The following SERINC5 variants were observed in gnomAD, a reference collection of about 807,000 sequenced individuals.
SERINC5 encodes serine incorporator 5.
In SERINC5, 41 loss-of-function variants were observed where a neutral mutation model predicts 63.1. The ratio of observed to expected loss-of-function variants is 0.65; its 90% CI spans 0.51 to 0.84. SERINC5 has a LOEUF of 0.84. Ranked by LOEUF, SERINC5 falls within the 40% of genes least tolerant of loss-of-function variation. The probability of loss-of-function intolerance (pLI) is 0.00; values close to 1 mark genes in which losing one functional copy is unlikely to be tolerated. For missense variants in SERINC5, 523 were observed against 573.0 expected (o/e 0.91, Z 0.89); for synonymous variants, 222 against 215.2 (o/e 1.03, Z -0.28).
rs1233860426 is a variant in SERINC5, at chr5:80,142,302, C to A, written c.*1361G>T. On this transcript the variant is annotated 3_prime_UTR_variant, in exon 12 of 12. Coordinates refer to ENST00000507668, the MANE Select transcript of SERINC5 (RefSeq NM_001174072.3). The stretch of plus-strand genomic sequence containing the variant: ...TGGAAATTCCTGTGCAGCGTGATCT[C>A]GGCTCACTGCAACCTCCGCCTCCCG... The A allele has an allele frequency of 9.1e-6, 9 of 984,338 alleles. No individual in the cohort carries two copies. In the East Asian group the frequency reaches 1.0e-3, roughly 112 times the overall value. 61.0% of individuals were successfully genotyped at this position (984,338 alleles called of 1,614,324 possible). A position where few individuals can be genotyped will look rare whatever the true frequency, so the allele number is the denominator to read the frequency against.
At chr5:80,137,396 T>G (rs1432950426), downstream of SERINC5, among the ~76,000 whole-genome samples, 1 of 151,920 alleles carries the variant, frequency 6.6e-6, no homozygotes, top group South Asian at 2.1e-4. Context: ...ATCCCAGCAC[T>G]TTGGGAGGCC....
chr5:80,175,802 C>A (rs1747989075), intron 4 of SERINC5, among the ~76,000 whole-genome samples: 1 of 141,230 alleles, frequency 7.1e-6, no homozygotes, highest in African/African-American at 2.7e-5. Context: ...AGGTGGAGGT[C>A]ACAGTGAGCT....
chr5:80,138,917 G>C lies in SERINC5; in HGVS notation c.*4746C>G. The C allele has an allele frequency of 2.1e-6, 2 of 970,860 alleles. No individual in the cohort carries two copies. The highest frequency in any genetic ancestry group is 2.4e-6 in the Non-Finnish European group (2 of 816,846). The allele number at this position is 970,860 out of a possible 1,614,324, so 60.1% of individuals were successfully genotyped here. On this transcript the variant is annotated 3_prime_UTR_variant, in exon 12 of 12. Transcript: ENST00000507668. ...AGTTTTAATTTTAAATTTTATTAAA[G>C]TACAGAGTTAACAAGTTTTGAGTTT...
At chr5:80,153,474 G>T (rs191395763) in intron 8 of SERINC5, among the ~76,000 whole-genome samples, 2 of 148,620 alleles carry the variant, frequency 1.3e-5, no homozygotes, top group South Asian at 2.1e-4. Context: ...TCAAGAAAAG[G>T]TTTTTTTTTT....
At chr5:80,244,940 C>T (rs1580217193) in intron 1 of SERINC5, among the ~76,000 whole-genome samples, 1 of 152,326 alleles carries the variant, frequency 6.6e-6, no homozygotes, top group Admixed American at 6.5e-5. Context: ...CCTCCCACCT[C>T]AGCCTCCAGA....
chr5:80,177,115 G>T (rs528071086), intron 4 of SERINC5, among the ~76,000 whole-genome samples, 200 bp downstream of exon 4: 1 of 152,286 alleles, frequency 6.6e-6, no homozygotes, highest in South Asian at 2.1e-4. Context: ...CTACCTGGAA[G>T]TGGGATGCGG....
intron 1 of SERINC5, among the ~76,000 whole-genome samples, chr5:80,230,054 C>A (rs1187515471): frequency 6.6e-6 from 1 of 152,186 alleles, no homozygotes; most frequent in Non-Finnish European, 1.5e-5. Flanking sequence ...TCTCCTCCCA[C>A]TGCTCAGGAA....
At chr5:80,225,796 G>A (rs1177847230) in intron 1 of SERINC5, among the ~76,000 whole-genome samples, 1 of 152,078 alleles carries the variant, frequency 6.6e-6, no homozygotes, top group African/African-American at 2.4e-5. Context: ...AAGCCCCACA[G>A]CCCTAGTTCT....
In SERINC5 at chr5:80,142,090, C is replaced by T. The variant is rs1745542914; in HGVS notation, c.*1573G>A. The T allele has an allele frequency of 1.0e-6, 1 of 985,290 alleles. No homozygotes were observed. The highest frequency in any genetic ancestry group is 1.7e-5 in the African/African-American group (1 of 57,240). The allele number at this position is 985,290 out of a possible 1,614,324, so 61.0% of individuals were successfully genotyped here. On this transcript the variant is annotated 3_prime_UTR_variant, in exon 12 of 12. Transcript: ENST00000507668. Reference sequence around the variant, plus strand: ...CACAGAAAAAAATGACTAGGCTGAGCCTTTTATTCTTAGATCCTCACTTAC... The same window carrying T: ...CACAGAAAAAAATGACTAGGCTGAGTCTTTTATTCTTAGATCCTCACTTAC...
At chr5:80,224,454 G>T (rs1283431366) in intron 1 of SERINC5, among the ~76,000 whole-genome samples, 2 of 152,066 alleles carry the variant, frequency 1.3e-5, no homozygotes, top group African/African-American at 4.8e-5. Flanking sequence ...TCCAGCCTGG[G>T]TGACAGAGCA....
chr5:80,182,556 TCCGC>T (rs1350522935), intron 2 of SERINC5, among the ~76,000 whole-genome samples: 2 of 17,248 alleles, frequency 1.2e-4, no homozygotes, highest in African/African-American at 4.6e-4. Flanking sequence ...CCCCCCCCCC[TCCGC>T]TTTTTTTTAA....
chr5:80,235,028 C>A (rs910779177), intron 1 of SERINC5, among the ~76,000 whole-genome samples: 9 of 152,142 alleles, frequency 5.9e-5, no homozygotes, highest in African/African-American at 2.2e-4. Flanking sequence ...CAACAGATTT[C>A]TATAACTTTT....
At chr5:80,153,474 GT>G (rs112327662) in intron 8 of SERINC5, among the ~76,000 whole-genome samples, 22,042 of 148,576 alleles carry the variant, frequency 0.15, 2,432 homozygotes, top group African/African-American at 0.32. Context: ...TCAAGAAAAG[GT>G]TTTTTTTTTA....
intron 1 of SERINC5, among the ~76,000 whole-genome samples, chr5:80,238,922 A>G (rs1041106581): frequency 6.6e-6 from 1 of 152,202 alleles, no homozygotes; most frequent in African/African-American, 2.4e-5. Context: ...GAAAAGCCCA[A>G]CATCCACTCA....
chr5:80,184,617 A>G (rs1032108779), intron 2 of SERINC5, among the ~76,000 whole-genome samples: 1 of 152,154 alleles, frequency 6.6e-6, no homozygotes, highest in African/African-American at 2.4e-5. Context: ...GACTTAGCAC[A>G]TTTAGTTTTC....
At chr5:80,132,075 G>A (rs74856397) in intron 11 of SERINC5, among the ~76,000 whole-genome samples, 16,738 of 152,194 alleles carry the variant, frequency 0.11, 1,000 homozygotes, top group South Asian at 0.2. Context: ...CCAGCCAGTT[G>A]AAGCCGCGGA....
At chr5:80,158,156 C>A (rs1746659364) in intron 8 of SERINC5, 1 of 152,146 alleles carries the variant, frequency 6.6e-6, no homozygotes, top group Non-Finnish European at 1.5e-5. Context: ...AAATATATAT[C>A]CAGATTAACT....
chr5:80,176,281 A>T (rs375788639), intron 4 of SERINC5, among the ~76,000 whole-genome samples: 15 of 152,342 alleles, frequency 9.8e-5, no homozygotes, highest in East Asian at 7.7e-4. Flanking sequence ...TCTGTAGAGA[A>T]TTTTAAAACT....
chr5:80,121,711 T>C (rs1227913094), intron 11 of SERINC5, among the ~76,000 whole-genome samples: 1 of 152,122 alleles, frequency 6.6e-6, no homozygotes, highest in Admixed American at 6.5e-5. Flanking sequence ...TGTACAACCA[T>C]GGCACCAGCA....
Sources: gnomAD v4.1 joint callset for allele counts (sites outside exome capture counted in the v4.1 genomes callset) on GRCh38, gnomAD v4.1.1 for gene constraint, MANE v1.5 for transcripts, NCBI Gene and HGNC (gene_info 2026-07-23, HGNC 2026-07-21) for gene names.